Variants in TENT4B observed in about 807,000 individuals in gnomAD.
TENT4B encodes terminal nucleotidyltransferase 4B.
A neutral mutation model predicts 75.0 loss-of-function variants in TENT4B; 10 were observed. That is an observed-to-expected ratio of 0.13 (90% CI 0.08 to 0.23). TENT4B has a LOEUF of 0.23. TENT4B is among the 10% of genes least tolerant of loss of function. The pLI, the probability that TENT4B is intolerant of heterozygous loss-of-function variation, is 1.00. For synonymous variants in TENT4B, 350 were observed against 357.7 expected (o/e 0.98, Z 0.24); for missense variants, 579 against 893.8 (o/e 0.65, Z 4.49).
In TENT4B at chr16:50,233,987, G is replaced by A. The variant is rs2032373640; in HGVS notation, c.*4659G>A. On this transcript the variant is annotated 3_prime_UTR_variant, in exon 12 of 12. Coordinates refer to ENST00000561678, the MANE Select transcript of TENT4B (RefSeq NM_001365324.3). ...CTCTAGTTCCACATTTTAACTTAAC[G>A]TCTTTGTGGCTTCACCACTGAGCTA... The A allele has an allele frequency of 3.0e-6, 3 of 985,374 alleles. No homozygotes were observed. Among genetic ancestry groups the A allele is most frequent in the South Asian group, 4.7e-5 (1 of 21,280 alleles). The allele number at this position is 985,374 out of a possible 1,614,324, so 61.0% of individuals were successfully genotyped here.
At chr16:50,189,521 C>A (rs1044154056) in intron 1 of TENT4B, among the ~76,000 whole-genome samples, 1 of 152,120 alleles carries the variant, frequency 6.6e-6, no homozygotes, top group African/African-American at 2.4e-5. Context: ...TGAACTGAGG[C>A]CCTGGGCTGT....
chr16:50,218,503 G>A (rs527812019), intron 5 of TENT4B, among the ~76,000 whole-genome samples: 1 of 152,038 alleles, frequency 6.6e-6, no homozygotes, highest in South Asian at 2.1e-4. Flanking sequence ...CCAGGCACCT[G>A]CCACCATGCC....
At position 50,230,241 on chromosome 16, in the gene TENT4B, T is replaced by C; in HGVS notation, c.*913T>C. The stretch of plus-strand genomic sequence containing the variant: ...TCGTCTTGGGCAATGGGCAATTACA[T>C]GACTTTGTGTTTGCTTCCTTTGCAG... On this transcript the variant is annotated 3_prime_UTR_variant, in exon 12 of 12. Coordinates refer to ENST00000561678, the MANE Select transcript of TENT4B (RefSeq NM_001365324.3). 1 of 983,942 alleles carries C rather than the reference T, an allele frequency of 1.0e-6. No individual in the cohort carries two copies. Among genetic ancestry groups the C allele is most frequent in the African/African-American group, 1.8e-5 (1 of 56,864 alleles). 61.0% of individuals were successfully genotyped at this position (983,942 alleles called of 1,614,324 possible).
intron 1 of TENT4B, among the ~76,000 whole-genome samples, chr16:50,165,747 T>C (rs1052075682): frequency 1.3e-5 from 2 of 152,232 alleles, no homozygotes; most frequent in Non-Finnish European, 2.9e-5. Context: ...TCGTAGCATG[T>C]GTCAGTACTT....
intron 1 of TENT4B, among the ~76,000 whole-genome samples, chr16:50,204,032 C>G (rs2030809361): frequency 6.6e-6 from 1 of 152,148 alleles, no homozygotes; most frequent in Non-Finnish European, 1.5e-5. Flanking sequence ...AAGGCGTGCC[C>G]TGGTCCAGTT....
At chr16:50,176,312 T>G (rs1185569294) in intron 1 of TENT4B, among the ~76,000 whole-genome samples, 1 of 151,678 alleles carries the variant, frequency 6.6e-6, no homozygotes, top group East Asian at 1.9e-4. Flanking sequence ...CTCAAACTCC[T>G]GAGCTCATAT....
chr16:50,153,327 C>T lies in TENT4B; in HGVS notation c.-295C>T, dbSNP rs982198430. ...CGCTCTTCTGTGGAGCCGCCGCCGC[C>T]GCCGCCGCCATTTGCACGGGGACCC... On this transcript the variant is annotated 5_prime_UTR_variant, in exon 1 of 12. Transcript: ENST00000561678. Among the ~76,000 whole-genome samples, 3 of 145,238 alleles carry T rather than the reference C, an allele frequency of 2.1e-5. No homozygotes were observed. Among genetic ancestry groups the T allele is most frequent in the Admixed American group, 6.8e-5 (1 of 14,714 alleles).
chr16:50,224,517 G>A, intron 7 of TENT4B, 140 bp from the exon 8 acceptor site: 2 of 947,562 alleles, frequency 2.1e-6, no homozygotes, highest in Non-Finnish European at 3.1e-6. Flanking sequence ...GGGGAGCTTT[G>A]GGGACAGCTC....
intron 10 of TENT4B, among the ~76,000 whole-genome samples, chr16:50,227,407 C>A (rs942405842): frequency 9.9e-5 from 15 of 152,226 alleles, no homozygotes; most frequent in African/African-American, 3.6e-4. Flanking sequence ...AGTCCACCCC[C>A]ACCCACACCA....
chr16:50,153,332 C>T lies in TENT4B; in HGVS notation c.-290C>T, dbSNP rs2037808645. ...TTCTGTGGAGCCGCCGCCGCCGCCG[C>T]CGCCATTTGCACGGGGACCCCAGTG... On this transcript the variant is annotated 5_prime_UTR_variant, in exon 1 of 12. Transcript: ENST00000561678. Among the ~76,000 whole-genome samples the T allele has an allele frequency of 6.9e-6, 1 of 145,670 alleles. No individual in the cohort carries two copies. Among genetic ancestry groups the T allele is most frequent in the South Asian group, 2.1e-4 (1 of 4,768 alleles).
At chr16:50,213,034 C>T (rs1023438380) in intron 2 of TENT4B, among the ~76,000 whole-genome samples, 6 of 152,134 alleles carry the variant, frequency 3.9e-5, no homozygotes, top group African/African-American at 1.4e-4. Flanking sequence ...TCCATCTCGC[C>T]TCAGAGGTTG....
intron 7 of TENT4B, among the ~76,000 whole-genome samples, chr16:50,223,762 C>T (rs1359117241): frequency 6.6e-6 from 1 of 152,178 alleles, no homozygotes; most frequent in Non-Finnish European, 1.5e-5. Flanking sequence ...TCCTGAGAGG[C>T]AGCAAGCATA....
At chr16:50,173,750 A>G (rs754175916) in intron 1 of TENT4B, among the ~76,000 whole-genome samples, 23 of 152,132 alleles carry the variant, frequency 1.5e-4, no homozygotes, top group East Asian at 3.9e-4. Flanking sequence ...CTGGAGTGCA[A>G]TGGTACAATC....
chr16:50,157,854 C>A lies in TENT4B; in HGVS notation c.638+3595C>A, dbSNP rs1203102515. ...AATCATGGGTCACAGCAGCCTTGGC[C>A]TCCCAGGCTGAAGTGAACTTCCCAC... On this transcript the variant is annotated intron_variant, in intron 1 of 11. Transcript: ENST00000561678. 4.6e-5 allele frequency among the ~76,000 whole-genome samples: 7 copies of A among 152,084 alleles called. No homozygotes were observed. In the East Asian group the frequency reaches 1.4e-3, roughly 29 times the overall value.
Position 50,154,022 on chromosome 16 carries a change from C to T in TENT4B, c.401C>T (p.Ser134Leu), listed in dbSNP as rs1597210515. 1.3e-6 allele frequency: 2 copies of T among 1,533,612 alleles called. No individual in the cohort carries two copies. Among genetic ancestry groups the T allele is most frequent in the East Asian group, 4.9e-5 (2 of 40,760 alleles). ...GGCTCCTCGGCGTCCTCGCCTCCCT[C>T]GGCGTCCTCGTCCCCGCACCCTTCG... ...RAGSSASSPP[S>L]ASSSPHPSAA... The change falls in exon 1 of 12, where the codon TCG becomes TTG. Residue 134 changes from serine (S) to leucine (L), a missense_variant. Transcript: ENST00000561678.
upstream of TENT4B, among the ~76,000 whole-genome samples, chr16:50,153,189 G>GT (rs2037798887): frequency 1.6e-5 from 2 of 126,820 alleles, 1 homozygote; most frequent in Admixed American, 1.5e-4. Flanking sequence ...GCGGTGGGGG[G>GT]GGGGGGCGGA....
chr16:50,206,751 G>A (rs2030996323), intron 1 of TENT4B, among the ~76,000 whole-genome samples: 1 of 152,088 alleles, frequency 6.6e-6, no homozygotes, highest in Admixed American at 6.6e-5. Context: ...AACTCACAGT[G>A]TGCCCAGGGT....
chr16:50,177,586 AT>A (rs1201522513), intron 1 of TENT4B, among the ~76,000 whole-genome samples: 1 of 150,086 alleles, frequency 6.7e-6, no homozygotes, highest in Non-Finnish European at 1.5e-5. Context: ...GCCCTTTTTC[AT>A]TTTTTCTATT....
At chr16:50,166,966 C>T (rs1175351860) in intron 1 of TENT4B, among the ~76,000 whole-genome samples, 1 of 152,048 alleles carries the variant, frequency 6.6e-6, no homozygotes, top group Admixed American at 6.6e-5. Flanking sequence ...CTTTGTCACC[C>T]AGGTTGGAGT....
Sources: allele counts gnomAD v4.1 joint callset (sites outside exome capture counted in the v4.1 genomes callset), GRCh38; gene constraint gnomAD v4.1.1; transcripts MANE v1.5; gene names NCBI Gene and HGNC (gene_info 2026-07-23, HGNC 2026-07-21).